The following DPY19L2 variants were observed in gnomAD, a reference collection of about 807,000 sequenced individuals.
DPY19L2 encodes the protein dpy-19 like 2.
Under a neutral mutation model 97.9 loss-of-function variants are expected in DPY19L2, and 34 were observed. That is an observed-to-expected ratio of 0.35 (90% confidence interval 0.26 to 0.46). DPY19L2 has a LOEUF of 0.46. Among genes scored for constraint, DPY19L2 ranks in the 20% least tolerant of loss-of-function variants. The pLI, the probability that DPY19L2 is intolerant of heterozygous loss-of-function variation, is 1.00. For missense variants in DPY19L2, 623 were observed against 911.4 expected, an observed-to-expected ratio of 0.68 and a Z score of 4.07; for synonymous variants, 230 against 307.9, an observed-to-expected ratio of 0.75 and a Z score of 2.65.
chr12:63,666,303 A>C (rs748360616), intron 1 of DPY19L2, among the ~76,000 whole-genome samples: 1 of 152,124 alleles, frequency 6.6e-6, no homozygotes, highest in Non-Finnish European at 1.5e-5. Flanking sequence ...AAATGCAGGC[A>C]ATCACTTCCT....
upstream of DPY19L2, chr12:63,668,560 G>A: frequency 1.4e-6 from 1 of 712,490 alleles, no homozygotes; most frequent in African/African-American, 1.8e-5. Flanking sequence ...TGGGGCGCAT[G>A]CGTTGGAAGC....
Position 63,597,771 on chromosome 12 carries a change from C to T in DPY19L2, c.1461+38G>A, listed in dbSNP as rs767798364. On this transcript the variant is annotated intron_variant, in intron 14 of 21. Coordinates refer to ENST00000324472, the MANE Select transcript of DPY19L2 (RefSeq NM_173812.5). ...ATTTTAAAAAACCTAGAGCAAAAAA[C>T]TCATATTAGTAGAGAAGGAAAAAAG... is the stretch of plus-strand genomic sequence containing the variant. The T allele has an allele frequency of 3.9e-6, 6 of 1,557,990 alleles. No homozygotes were observed. The African/African-American group carries it at 6.9e-5, about 18-fold the overall frequency.
intron 11 of DPY19L2, among the ~76,000 whole-genome samples, chr12:63,613,190 A>T (rs2137705290): frequency 6.6e-6 from 1 of 152,246 alleles, no homozygotes; most frequent in East Asian, 1.9e-4. Context: ...AAAGACAAAG[A>T]TGTCACAAGA....
chr12:63,615,029 A>T (rs992518653), intron 11 of DPY19L2, among the ~76,000 whole-genome samples: 17 of 152,158 alleles, frequency 1.1e-4, no homozygotes, highest in Non-Finnish European at 2.1e-4. Context: ...TGACACAAGT[A>T]TGCTATCAGA....
intron 19 of DPY19L2, among the ~76,000 whole-genome samples, chr12:63,576,225 A>G (rs1307046864): frequency 6.6e-6 from 1 of 152,002 alleles, no homozygotes; most frequent in Non-Finnish European, 1.5e-5. Flanking sequence ...CGGGAAAATC[A>G]TTTGGTAAAA....
At chr12:63,569,703 T>C (rs941645594) in intron 20 of DPY19L2, among the ~76,000 whole-genome samples, 3 of 152,150 alleles carry the variant, frequency 2.0e-5, no homozygotes, top group African/African-American at 4.8e-5. Context: ...GAAAAACACA[T>C]CTTTCAATGC....
At chr12:63,632,753 C>G (rs1890932385) in intron 6 of DPY19L2, among the ~76,000 whole-genome samples, 1 of 152,048 alleles carries the variant, frequency 6.6e-6, no homozygotes, top group African/African-American at 2.4e-5. Context: ...GCCCGCATCG[C>G]CAAGACAATC....
At chr12:63,589,446 A>G (rs1463684105) in intron 16 of DPY19L2, among the ~76,000 whole-genome samples, 2 of 150,930 alleles carry the variant, frequency 1.3e-5, no homozygotes, top group East Asian at 3.9e-4. Context: ...AATCTAAAAC[A>G]GACTCAAGTA....
intron 16 of DPY19L2, among the ~76,000 whole-genome samples, chr12:63,589,315 C>G (rs1284998458): frequency 1.1e-5 from 1 of 91,900 alleles, no homozygotes; most frequent in South Asian, 3.8e-4. Flanking sequence ...CTATCAGAAC[C>G]AGAAAGAAAG....
chr12:63,634,238 A>G (rs35213634), intron 6 of DPY19L2, among the ~76,000 whole-genome samples: 5 of 152,268 alleles, frequency 3.3e-5, no homozygotes, highest in African/African-American at 9.6e-5. Flanking sequence ...GTAAGATTTG[A>G]CAACAGAAAT....
chr12:63,640,356 T>TA (rs1481811999), intron 6 of DPY19L2, among the ~76,000 whole-genome samples: 1 of 151,866 alleles, frequency 6.6e-6, no homozygotes, highest in Non-Finnish European at 1.5e-5. Flanking sequence ...ATAATAATAA[T>TA]AAAAAAAGAT....
intron 4 of DPY19L2, among the ~76,000 whole-genome samples, chr12:63,658,513 C>A (rs1451032086): frequency 6.6e-6 from 1 of 152,034 alleles, no homozygotes; most frequent in Non-Finnish European, 1.5e-5. Context: ...AAAAAGAAAC[C>A]AAACAAATAT....
chr12:63,597,764 CA>C (rs1565740130), intron 14 of DPY19L2, 44 bp downstream of exon 14: 1 of 1,540,716 alleles, frequency 6.5e-7, no homozygotes, highest in Admixed American at 1.9e-5. Flanking sequence ...AAACCTAGAG[CA>C]AAAAACTCAT....
At chr12:63,619,438 T>A (rs955540988) in intron 9 of DPY19L2, among the ~76,000 whole-genome samples, 2 of 151,696 alleles carry the variant, frequency 1.3e-5, no homozygotes, top group East Asian at 1.9e-4. Context: ...CAAAACTATA[T>A]ACATTAGTAA....
At chr12:63,623,080 T>C (rs1888957126) in intron 8 of DPY19L2, among the ~76,000 whole-genome samples, 1 of 151,972 alleles carries the variant, frequency 6.6e-6, no homozygotes. Flanking sequence ...GAGGAGATAG[T>C]GATCATTATT....
At chr12:63,587,361 A>G (rs138215698) in intron 16 of DPY19L2, among the ~76,000 whole-genome samples, 3,338 of 151,746 alleles carry the variant, frequency 0.022, 72 homozygotes, top group African/African-American at 0.057. Context: ...AAATAAGTTG[A>G]TGTACTAGAC....
chr12:63,579,700 G>A (rs560110307), intron 19 of DPY19L2, among the ~76,000 whole-genome samples: 2 of 152,214 alleles, frequency 1.3e-5, no homozygotes, highest in African/African-American at 4.8e-5. Context: ...GCTCCTATGT[G>A]GAAAAAGTCA....
rs1565843773 is a variant in DPY19L2 at position 63,652,422 on chromosome 12, G to A, written c.589-5057C>T. Among the ~76,000 whole-genome samples, 4 of 152,008 alleles carry A rather than the reference G, an allele frequency of 2.6e-5. No homozygotes were observed. The South Asian group carries it at 8.3e-4, about 32-fold the overall frequency. On this transcript the variant is annotated intron_variant, in intron 4 of 21. Transcript: ENST00000324472. Reference sequence around the variant, plus strand: ...TTTGACCCAGCAACCCCATTACTAGGTATATACCCAAAGGAATATAAATTA... The same window carrying A: ...TTTGACCCAGCAACCCCATTACTAGATATATACCCAAAGGAATATAAATTA...
At chr12:63,580,550 C>T (rs1880686436) in intron 19 of DPY19L2, 112 bp downstream of exon 19, 19 of 1,094,818 alleles carry the variant, frequency 1.7e-5, no homozygotes, top group Non-Finnish European at 9.9e-6. Context: ...ATTTGTAAAT[C>T]TGTCATACAC....
Sources: allele counts gnomAD v4.1 joint callset (sites outside exome capture counted in the v4.1 genomes callset), GRCh38; gene constraint gnomAD v4.1.1; transcripts MANE v1.5; gene names NCBI Gene and HGNC (gene_info 2026-07-23, HGNC 2026-07-21).